Variants in TTC21B observed in about 807,000 individuals in gnomAD.
The protein encoded by TTC21B is tetratricopeptide repeat protein 21B.
TTC21B carries 127 observed loss-of-function variants against 175.1 expected under a neutral mutation model. The ratio of observed to expected loss-of-function variants is 0.73; its 90% CI spans 0.63 to 0.84. The LOEUF is 0.84. TTC21B is among the 40% of genes least tolerant of loss of function. TTC21B has a pLI of 0.00. For missense variants in TTC21B, 1,561 were observed against 1,558.3 expected (o/e 1.00, Z -0.03); for synonymous variants, 524 against 524.5 (o/e 1.00, Z 0.01).
At chr2:165,905,766 A>C (rs78633491) in intron 19 of TTC21B, among the ~76,000 whole-genome samples, 1,811 of 152,288 alleles carry the variant, frequency 0.012, 37 homozygotes, top group African/African-American at 0.041. Flanking sequence ...ACCAAACACT[A>C]AGAACAGGGA....
At chr2:165,876,968 A>G (rs1278768751) in intron 27 of TTC21B, among the ~76,000 whole-genome samples, 4 of 152,212 alleles carry the variant, frequency 2.6e-5, no homozygotes, top group African/African-American at 9.7e-5. Context: ...TTAGTCATCA[A>G]TGACTGGTAA....
Position 165,929,286 on chromosome 2 carries a change from T to C in TTC21B, c.1235A>G (p.Gln412Arg), listed in dbSNP as rs199873923. 2.5e-6 allele frequency: 4 copies of C among 1,612,570 alleles called. No individual in the cohort carries two copies. Among genetic ancestry groups the C allele is most frequent in the Non-Finnish European group, 3.4e-6 (4 of 1,179,086 alleles). ...AVLAMKKNKR[Q>R]EEVINLLNDV... is the part of the protein sequence containing the mutation. ...ATTTAACAAATTAATAACTTCTTCT[T>C]GTCGTTTATTTTTCTTCATGGCAAG... Residue 412 changes from glutamine to arginine, a missense_variant, in exon 11 of 29, where the codon CAA (glutamine) becomes CGA (arginine). Physicochemically the swap from Gln to Arg is conservative, Grantham distance 43. Coordinates refer to ENST00000243344, the MANE Select transcript of TTC21B (RefSeq NM_024753.5).
chr2:165,904,522 T>G (rs1685666451), intron 19 of TTC21B, among the ~76,000 whole-genome samples: 1 of 152,194 alleles, frequency 6.6e-6, no homozygotes, highest in South Asian at 2.1e-4. Flanking sequence ...TACAAATTAA[T>G]TGCAGAATGC....
At chr2:165,897,269 C>T (rs565958452) in intron 22 of TTC21B, among the ~76,000 whole-genome samples, 8 of 152,222 alleles carry the variant, frequency 5.3e-5, no homozygotes, top group South Asian at 4.1e-4. Context: ...TGAGTTATGA[C>T]GACGCTGCAA....
intron 3 of TTC21B, among the ~76,000 whole-genome samples, chr2:165,946,169 C>CAAAAAAAAAAAA (rs3032577): frequency 8.6e-6 from 1 of 116,608 alleles, no homozygotes; most frequent in African/African-American, 3.6e-5. Flanking sequence ...ACTAAAGATA[C>CAAAAAAAAAAAA]AAAAAAAAAA....
At chr2:165,904,315 T>C (rs1455761806) in intron 19 of TTC21B, among the ~76,000 whole-genome samples, 1 of 152,134 alleles carries the variant, frequency 6.6e-6, no homozygotes, top group Non-Finnish European at 1.5e-5. Context: ...TTGTTTAAGA[T>C]TACATATTTT....
At chr2:165,889,712 C>T (rs1434724656) in intron 24 of TTC21B, among the ~76,000 whole-genome samples, 1 of 152,186 alleles carries the variant, frequency 6.6e-6, no homozygotes, top group African/African-American at 2.4e-5. Context: ...CTCCTCCATG[C>T]ATCTTCTCCT....
At chr2:165,912,479 T>G in intron 17 of TTC21B, 35 bp downstream of exon 17, 1 of 1,517,672 alleles carries the variant, frequency 6.6e-7, no homozygotes, top group Non-Finnish European at 9.2e-7. Flanking sequence ...ATAAATTTGA[T>G]GCAACAGACA....
At chr2:165,897,931 C>T (rs1487063429) in intron 22 of TTC21B, among the ~76,000 whole-genome samples, 1 of 152,122 alleles carries the variant, frequency 6.6e-6, no homozygotes, top group Non-Finnish European at 1.5e-5. Context: ...GAACTGAGAA[C>T]TGAATCTGAC....
chr2:165,912,748 A>C (rs1686000580), intron 16 of TTC21B, 124 bp from the exon 17 acceptor site: 1 of 789,604 alleles, frequency 1.3e-6, no homozygotes, highest in Non-Finnish European at 2.2e-6. Context: ...CATATATTAA[A>C]GCACAGGAAC....
chr2:165,932,896 C>T (rs1431480530), intron 7 of TTC21B, 77 bp downstream of exon 7: 1 of 1,255,604 alleles, frequency 8.0e-7, no homozygotes, highest in Non-Finnish European at 1.2e-6. Flanking sequence ...TGTATATGCA[C>T]ATGCACACAT....
intron 20 of TTC21B, among the ~76,000 whole-genome samples, chr2:165,900,502 G>C (rs1685523312): frequency 6.6e-6 from 1 of 152,120 alleles, no homozygotes; most frequent in Non-Finnish European, 1.5e-5. Flanking sequence ...AATCCTCTCA[G>C]ATCTTGACAG....
At position 165,919,440 on chromosome 2, in the gene TTC21B, A is replaced by G. The variant is rs1366358989; in HGVS notation, c.1517-7T>C. The G allele has an allele frequency of 6.2e-7, 1 of 1,613,544 alleles. No homozygotes were observed. Among genetic ancestry groups the G allele is most frequent in the Non-Finnish European group, 8.5e-7 (1 of 1,179,606 alleles). On this transcript the variant is annotated splice_region_variant and splice_polypyrimidine_tract_variant and intron_variant, in intron 12 of 28. Transcript: ENST00000243344. ...AAAGCTGCTTCAATATCACCTAATA[A>G]GAAAAACAATGCATTGTTATAATTC...
At chr2:165,920,378 T>C (rs912421147) in intron 12 of TTC21B, among the ~76,000 whole-genome samples, 3 of 152,228 alleles carry the variant, frequency 2.0e-5, no homozygotes, top group South Asian at 2.1e-4. Context: ...GACAGAAGAT[T>C]AATAGAAAAC....
At chr2:165,924,272 T>C (rs1047644487) in intron 12 of TTC21B, among the ~76,000 whole-genome samples, 24 of 152,202 alleles carry the variant, frequency 1.6e-4, no homozygotes, top group African/African-American at 5.8e-4. Flanking sequence ...AAATTCTTAT[T>C]GCTAGTCTCC....
At position 165,883,889 on chromosome 2, in the gene TTC21B, C is replaced by G. The variant is rs1420911371; in HGVS notation, c.3589G>C (p.Glu1197Gln). The change falls in exon 26 of 29, where the codon GAG becomes CAG. Residue 1197 changes from glutamate to glutamine, a missense_variant. Glu to Gln is a conservative substitution (Grantham distance 29, BLOSUM62 2). Coordinates refer to ENST00000243344, the MANE Select transcript of TTC21B (RefSeq NM_024753.5). ...NWNAIDAEEFEKSWLLLADIY... is the reference protein window; with the variant it reads ...NWNAIDAEEFQKSWLLLADIY... ...TCAGCAAGTAGCAGCCAACTCTTCT[C>G]AAACTCTTCAGCATCAATAGCATTC... 1 of 1,614,014 alleles carries G rather than the reference C, an allele frequency of 6.2e-7. No homozygotes were observed. The highest frequency in any genetic ancestry group is 8.5e-7 in the Non-Finnish European group (1 of 1,180,008).
intron 18 of TTC21B, among the ~76,000 whole-genome samples, chr2:165,910,864 T>TTA (rs994274233): frequency 6.6e-6 from 1 of 152,020 alleles, no homozygotes; most frequent in Non-Finnish European, 1.5e-5. Context: ...CACATTACAC[T>TTA]TATATATACA....
At chr2:165,952,545 A>C (rs1687790256) in intron 1 of TTC21B, among the ~76,000 whole-genome samples, 1 of 152,244 alleles carries the variant, frequency 6.6e-6, no homozygotes, top group Non-Finnish European at 1.5e-5. Flanking sequence ...CTTGGACTTG[A>C]ACCTCAAGTC....
At chr2:165,914,402 T>C (rs1686066148) in intron 15 of TTC21B, among the ~76,000 whole-genome samples, 2 of 152,202 alleles carry the variant, frequency 1.3e-5, no homozygotes, top group South Asian at 2.1e-4. Context: ...CTTCTGGAAA[T>C]ACCTTAGAAA....
Sources: gnomAD v4.1 joint callset for allele counts (sites outside exome capture counted in the v4.1 genomes callset) on GRCh38, gnomAD v4.1.1 for gene constraint, MANE v1.5 for transcripts, NCBI Gene and HGNC (gene_info 2026-07-23, HGNC 2026-07-21) for gene names.